Variants in WWP2 observed in about 807,000 individuals in gnomAD.
WWP2 encodes the protein WW domain containing E3 ubiquitin protein ligase 2, also known as NEDD4-like E3 ubiquitin-protein ligase WWP2.
WWP2 carries 57 observed loss-of-function variants against 121.0 expected under a neutral mutation model. The ratio of observed to expected loss-of-function variants is 0.47; its 90% CI spans 0.38 to 0.59. The LOEUF (loss-of-function observed/expected upper bound fraction) is 0.59, where lower values mean the gene tolerates loss of function less well. WWP2 is among the 20% of genes least tolerant of loss of function. WWP2 has a pLI of 0.00. For missense variants in WWP2, 962 were observed against 1,158.9 expected (o/e 0.83, Z 2.47); for synonymous variants, 449 against 441.3 (o/e 1.02, Z -0.22).
At chr16:69,773,025 T>A (rs1159618451) in intron 1 of WWP2, among the ~76,000 whole-genome samples, 1 of 152,018 alleles carries the variant, frequency 6.6e-6, no homozygotes, top group Non-Finnish European at 1.5e-5. Context: ...CAGAGATAAA[T>A]GTATGTGTAG....
chr16:69,929,367 C>A, intron 11 of WWP2, 81 bp from the exon 12 acceptor site: 1 of 1,345,404 alleles, frequency 7.4e-7, no homozygotes. Context: ...GACCCAGCAC[C>A]CAGGAGGTGG....
intron 4 of WWP2, among the ~76,000 whole-genome samples, chr16:69,800,800 G>C (rs2056147310): frequency 6.6e-6 from 1 of 151,064 alleles, no homozygotes; most frequent in African/African-American, 2.4e-5. Context: ...CCTGACCTCA[G>C]GTGATCTGCC....
At chr16:69,867,387 G>C (rs575742463) in intron 6 of WWP2, among the ~76,000 whole-genome samples, 46 of 152,246 alleles carry the variant, frequency 3.0e-4, no homozygotes, top group African/African-American at 1.0e-3. Flanking sequence ...CTTGAGGTCA[G>C]GGACTCTGTT....
At chr16:69,938,511 C>T (rs969409118) in intron 21 of WWP2, among the ~76,000 whole-genome samples, 1 of 152,096 alleles carries the variant, frequency 6.6e-6, no homozygotes, top group Non-Finnish European at 1.5e-5. Context: ...CCCAGCTACT[C>T]GGGAAGCTGA....
At chr16:69,909,616 A>G in intron 9 of WWP2, 13 of 985,420 alleles carry the variant, frequency 1.3e-5, no homozygotes, top group Non-Finnish European at 1.4e-5. Flanking sequence ...GATGAAACTC[A>G]TAACCTGTCA....
intron 6 of WWP2, among the ~76,000 whole-genome samples, chr16:69,844,155 A>G (rs2057027474): frequency 6.6e-6 from 1 of 150,558 alleles, no homozygotes; most frequent in Non-Finnish European, 1.5e-5. Flanking sequence ...GCGTTGCCTC[A>G]CTCCCAAAGA....
At chr16:69,864,989 T>C (rs897157106) in intron 6 of WWP2, among the ~76,000 whole-genome samples, 6 of 152,192 alleles carry the variant, frequency 3.9e-5, no homozygotes, top group Middle Eastern at 3.2e-3. Context: ...GAAGAACTTA[T>C]GATGTTGAGC....
At chr16:69,899,680 T>G (rs560988818) in intron 8 of WWP2, among the ~76,000 whole-genome samples, 3 of 142,288 alleles carry the variant, frequency 2.1e-5, no homozygotes, top group Non-Finnish European at 4.5e-5. Flanking sequence ...AGAGCCAAGA[T>G]TGTACCACTG....
chr16:69,889,451 G>A (rs28444781), intron 8 of WWP2, among the ~76,000 whole-genome samples: 16,877 of 152,268 alleles, frequency 0.11, 1,207 homozygotes, highest in African/African-American at 0.21. Flanking sequence ...CTGTGAATCA[G>A]ACAGCTCTGG....
intron 6 of WWP2, among the ~76,000 whole-genome samples, chr16:69,850,328 A>G (rs1240199339): frequency 6.7e-6 from 1 of 148,980 alleles, no homozygotes; most frequent in Admixed American, 6.8e-5. Flanking sequence ...TGGAGCTTGC[A>G]GTGAGCCGAG....
At chr16:69,850,746 T>C (rs1264118158) in intron 6 of WWP2, among the ~76,000 whole-genome samples, 6 of 152,192 alleles carry the variant, frequency 3.9e-5, no homozygotes, top group Non-Finnish European at 8.8e-5. Flanking sequence ...TTAGGGATGA[T>C]AGCGTAGCAA....
At chr16:69,764,153 T>C (rs1022749920) in intron 1 of WWP2, among the ~76,000 whole-genome samples, 6 of 152,238 alleles carry the variant, frequency 3.9e-5, no homozygotes, top group African/African-American at 1.4e-4. Flanking sequence ...CCCAGACCCT[T>C]AATCCTTAGA....
Position 69,935,949 on chromosome 16 carries a change from A to G in WWP2, c.1939A>G (p.Ile647Val). The change falls in exon 18 of 24, where the codon ATT becomes GTT. Residue 647 changes from isoleucine to valine, a missense_variant. Coordinates refer to ENST00000359154, the MANE Select transcript of WWP2 (RefSeq NM_001270454.2). The surrounding 1 kb of genome is among the most constrained non-coding windows in gnomAD (Gnocchi z 5.2). ...ACCAACCCTGAAAGACCTGGAGTCC[A>G]TTGACCCTGAGTTCTACAACTCCAT... ...KRPTLKDLES[I>V]DPEFYNSIVW... 6.2e-7 allele frequency: 1 copy of G among 1,614,046 alleles called. No individual in the cohort carries two copies. Among genetic ancestry groups the G allele is most frequent in the Non-Finnish European group, 8.5e-7 (1 of 1,180,010 alleles).
At chr16:69,776,617 G>A (rs996424271) in intron 1 of WWP2, among the ~76,000 whole-genome samples, 2 of 152,068 alleles carry the variant, frequency 1.3e-5, no homozygotes, top group African/African-American at 2.4e-5. Context: ...ATCACCTGAG[G>A]TCAGGTGTTC....
intron 6 of WWP2, among the ~76,000 whole-genome samples, chr16:69,862,949 A>G (rs900438418): frequency 6.6e-6 from 1 of 151,396 alleles, no homozygotes; most frequent in African/African-American, 2.4e-5. Context: ...CTGGGTTTGC[A>G]CTCTTGGGCT....
intron 9 of WWP2, among the ~76,000 whole-genome samples, chr16:69,911,448 C>T (rs2058377460): frequency 6.6e-6 from 1 of 152,058 alleles, no homozygotes; most frequent in African/African-American, 2.4e-5. Context: ...TGGCTGCCTG[C>T]ATATGGGAAG....
intron 4 of WWP2, among the ~76,000 whole-genome samples, chr16:69,800,415 G>A (rs1309331644): frequency 1.3e-5 from 2 of 152,130 alleles, no homozygotes; most frequent in East Asian, 3.8e-4. Context: ...TTAGGATGCA[G>A]CAACCAGCAT....
chr16:69,884,131 A>G (rs2151933438), intron 7 of WWP2, among the ~76,000 whole-genome samples: 1 of 152,336 alleles, frequency 6.6e-6, no homozygotes, highest in Admixed American at 6.5e-5. Flanking sequence ...GCGTATGTAT[A>G]TATATTCCTT....
At chr16:69,771,687 C>A (rs540550106) in intron 1 of WWP2, among the ~76,000 whole-genome samples, 17 of 152,264 alleles carry the variant, frequency 1.1e-4, no homozygotes, top group South Asian at 2.1e-4. Context: ...AAAAACAATT[C>A]TCTTTTTCTC....
Sources: gnomAD v4.1 joint callset for allele counts (sites outside exome capture counted in the v4.1 genomes callset) on GRCh38, gnomAD v4.1.1 for gene constraint, Gnocchi (gnomAD v3.1) non-coding constraint, MANE v1.5 for transcripts, NCBI Gene and HGNC (gene_info 2026-07-23, HGNC 2026-07-21) for gene names.